TTN: variants seen among roughly 807,000 people sequenced by gnomAD.
The protein encoded by TTN is connectin.
Under a neutral mutation model 3,223.0 loss-of-function variants are expected in TTN, and 1,525 were observed. The ratio of observed to expected loss-of-function variants is 0.47; its 90% confidence interval spans 0.45 to 0.49. The LOEUF is 0.49. Among genes scored for constraint, TTN ranks in the 20% least tolerant of loss-of-function variants. TTN has a pLI of 0.00. For missense variants in TTN, 40,786 were observed against 43,424.0 expected (o/e 0.94, Z 5.40); for synonymous variants, 14,094 against 15,161.0 (o/e 0.93, Z 5.17).
chr2:178,751,125 T>G, intron 47 of TTN: 1 of 1,612,788 alleles, frequency 6.2e-7, no homozygotes, highest in African/African-American at 1.3e-5. Flanking sequence ...ACCTTATAAC[T>G]TTCAGCTAGA....
At position 178,557,376 on chromosome 2, in the gene TTN, G is replaced by A; in HGVS notation, c.87886C>T (p.His29296Tyr). Residue 29296 changes from histidine (H) to tyrosine (Y), a missense_variant, in exon 329 of 363, where the codon CAC becomes TAC. Transcript: ENST00000589042. Reference protein sequence around the residue: ...KANKLVIRTTHFKVTTISAGL... With the variant: ...KANKLVIRTTYFKVTTISAGL... ...GCACTGATTGTTGTGACTTTGAAGT[G>A]AGTTGTGCGGATGACCAGTTTGTTG... is the stretch of plus-strand genomic sequence containing the variant. The A allele has an allele frequency of 6.2e-7, 1 of 1,613,952 alleles. No homozygotes were observed. The highest frequency in any genetic ancestry group is 8.5e-7 in the Non-Finnish European group (1 of 1,179,864).
Position 178,740,336 on chromosome 2 carries a change from T to C in TTN, c.12897A>G (p.Glu4299=). 1 of 1,613,788 alleles carries C rather than the reference T, an allele frequency of 6.2e-7. No individual in the cohort carries two copies. Among genetic ancestry groups the C allele is most frequent in the South Asian group, 1.1e-5 (1 of 91,086 alleles). ...CACTTTCTATCAAAATTTTACCTCC[T>C]TCTGTGCATGAGTGTTCTGAAGGGA... ...PLVPSEHSCT[E]GGKILIESAN... Residue 4299 remains glutamate (E), a synonymous_variant, in exon 48 of 363, where the codon GAA becomes GAG. Coordinates refer to ENST00000589042, the MANE Select transcript of TTN (RefSeq NM_001267550.2).
intron 294 of TTN, 22 bp downstream of exon 294, chr2:178,597,516 C>T (rs1446914109): frequency 2.5e-6 from 4 of 1,599,022 alleles, no homozygotes; most frequent in African/African-American, 1.3e-5. Flanking sequence ...AAAAGTTGCA[C>T]AGACAAATTG....
chr2:178,650,701 T>C (rs1177353769), intron 209 of TTN, 50 bp downstream of exon 209: 1 of 1,477,254 alleles, frequency 6.8e-7, no homozygotes, highest in Admixed American at 2.2e-5. Context: ...AAGCTTAAAT[T>C]AGAAATAGTC....
intron 47 of TTN, among the ~76,000 whole-genome samples, chr2:178,752,237 C>T (rs1317246695): frequency 6.6e-6 from 1 of 151,942 alleles, no homozygotes; most frequent in Non-Finnish European, 1.5e-5. Context: ...GAAAATCGTT[C>T]GTTGTCTGGT....
In TTN at chr2:178,616,545, A is replaced by G. The variant is rs771542149; in HGVS notation, c.48246T>C (p.Asp16082=). 9 of 1,612,332 alleles carry G rather than the reference A, an allele frequency of 5.6e-6. No individual in the cohort carries two copies. The highest frequency in any genetic ancestry group is 1.7e-5 in the Admixed American group (1 of 59,894). ...VHLTWEPPDD[D]GGSPLTGYVV... ...CGTATCCAGTTAACGGACTTCCTCC[A>G]TCATCATCAGGTGGTTCCCAAGTCA... The change falls in exon 257 of 363, where the codon GAT becomes GAC. Residue 16082 remains aspartate (D), a synonymous_variant. Transcript: ENST00000589042.
intron 242 of TTN, 128 bp downstream of exon 242, chr2:178,624,337 G>A: frequency 8.7e-7 from 1 of 1,147,972 alleles, no homozygotes; most frequent in Non-Finnish European, 1.3e-6. Context: ...TTAGGTCAGT[G>A]TCAATACTAG....
intron 326 of TTN, 184 bp from the exon 327 acceptor site, chr2:178,558,821 T>C: frequency 1.6e-6 from 1 of 619,742 alleles, no homozygotes; most frequent in East Asian, 2.9e-5. Flanking sequence ...AGCTATGTCA[T>C]TACATGCTAT....
intron 133 of TTN, 29 bp from the exon 134 acceptor site, chr2:178,683,320 T>C: frequency 1.5e-6 from 2 of 1,362,188 alleles, no homozygotes; most frequent in East Asian, 5.1e-5. Flanking sequence ...TAAAAGTGAA[T>C]TGCAAGATTC....
chr2:178,800,246 A>G, intron 4 of TTN, 149 bp downstream of exon 4: 1 of 1,005,594 alleles, frequency 9.9e-7, no homozygotes, highest in Non-Finnish European at 1.5e-6. Context: ...AATCTCAGGG[A>G]CTTTTCATGG....
rs753234087 is a variant in TTN at position 178,728,726 on chromosome 2, A to T, written c.19200T>A (p.Asp6400Glu). 6.2e-7 allele frequency: 1 copy of T among 1,610,894 alleles called. No homozygotes were observed. Among genetic ancestry groups the T allele is most frequent in the South Asian group, 1.1e-5 (1 of 90,980 alleles). The change falls in exon 66 of 363, where the codon GAT becomes GAA. Residue 6400 changes from aspartate to glutamate, a missense_variant. Physicochemically the swap from Asp to Glu is conservative, Grantham distance 45 (BLOSUM62 2). Coordinates refer to ENST00000589042, the MANE Select transcript of TTN (RefSeq NM_001267550.2). ...KAKSVDVTEK[D>E]PMTLECVVAG... is the part of the protein sequence containing the mutation. ...CCACAACACATTCCAAGGTCATGGGATCTTTCTCCGTAACATCAACTGATT... is the reference window on the plus strand; with the variant it reads ...CCACAACACATTCCAAGGTCATGGGTTCTTTCTCCGTAACATCAACTGATT...
At chr2:178,542,612 A>G in intron 348 of TTN, 49 bp from the exon 349 acceptor site, 1 of 1,596,158 alleles carries the variant, frequency 6.3e-7, no homozygotes, top group Admixed American at 1.7e-5. Flanking sequence ...TCAAATCAAA[A>G]TTGGGTGACT....
Position 178,775,641 on chromosome 2 carries a change from T to C in TTN, c.6223A>G (p.Met2075Val). The C allele has an allele frequency of 6.2e-7, 1 of 1,614,132 alleles. No homozygotes were observed. The highest frequency in any genetic ancestry group is 1.1e-5 in the South Asian group (1 of 91,088). The change falls in exon 28 of 363, where the codon ATG becomes GTG. Residue 2075 changes from methionine to valine, a missense_variant. By Grantham distance (21) the Met-to-Val change is conservative. Transcript: ENST00000589042. ...CTTTCGAAGATTTTTGGAGCCTCCA[T>C]ACTAGGACTTAGTTCAATCTTGTCA... ...KPDKIELSPS[M>V]EAPKIFERIQ...
rs769672151 is a variant in TTN, at chr2:178,575,979, G to C, written c.70153C>G (p.Leu23385Val). The C allele has an allele frequency of 1.2e-6, 2 of 1,611,552 alleles. No homozygotes were observed. The highest frequency in any genetic ancestry group is 2.2e-5 in the South Asian group (2 of 91,008). ...TTTTCAATGTTGGCTCGGTTTTTCAGGTTGATGTTATCTTTGGTCCATGTC... is the reference window on the plus strand; with the variant it reads ...TTTTCAATGTTGGCTCGGTTTTTCACGTTGATGTTATCTTTGGTCCATGTC... ...EVTWTKDNIN[L>V]KNRANIENTE... Residue 23385 changes from leucine to valine, a missense_variant, in exon 326 of 363, where the codon CTG (leucine) becomes GTG (valine). By Grantham distance (32) the Leu-to-Val change is conservative. Transcript: ENST00000589042. This position sits in a 1 kb window ranked among gnomAD's most constrained non-coding sequence, Gnocchi z 4.0.
intron 45 of TTN, among the ~76,000 whole-genome samples, chr2:178,757,208 A>AAGTACAGTAATACTGTACTTG (rs1561095013): frequency 4.7e-4 from 26 of 54,960 alleles, no homozygotes; most frequent in Non-Finnish European, 8.5e-4. Context: ...TACTGTACTT[A>AAGTACAGTAATACTGTACTTG]CTTTAAGTAC....
In TTN at chr2:178,549,450, G is replaced by A. The variant is rs72648247; in HGVS notation, c.92176C>T (p.Pro30726Ser). 2.7e-3 allele frequency: 4,283 copies of A among 1,607,122 alleles called. 16 individuals carry two copies. The highest frequency in any genetic ancestry group is 7.1e-3 in the Middle Eastern group (43 of 6,030). Reference protein sequence around the residue: ...QYTVPDAPGIPEPSNITGNSI... With the variant: ...QYTVPDAPGISEPSNITGNSI... ...TTGCCTGTTATGTTGCTAGGTTCTGGAATGCCAGGGGCATCAGGAACAGCT... is the reference window on the plus strand; with the variant it reads ...TTGCCTGTTATGTTGCTAGGTTCTGAAATGCCAGGGGCATCAGGAACAGCT... The change falls in exon 339 of 363, where the codon CCA becomes TCA. Residue 30726 changes from proline (P) to serine (S), a missense_variant. Physicochemically the swap from Pro to Ser is moderately conservative, Grantham distance 74 (BLOSUM62 -1). Transcript: ENST00000589042.
intron 93 of TTN, 39 bp downstream of exon 93, chr2:178,713,046 C>T (rs1022265537): frequency 1.9e-6 from 3 of 1,605,648 alleles, no homozygotes; most frequent in East Asian, 2.2e-5. Context: ...GCTTAATAAA[C>T]TATGAAATGC....
chr2:178,579,186 T>A lies in TTN; in HGVS notation c.67844A>T (p.Lys22615Ile), dbSNP rs372296363. Reference protein sequence around the residue: ...NTTLIVYDCQKSDAGKYTITL... With the variant: ...NTTLIVYDCQISDAGKYTITL... ...GATTGTGTATTTTCCAGCATCAGAT[T>A]TTTGGCAATCGTACACTATAAGAGT... Residue 22615 changes from lysine (K) to isoleucine (I), a missense_variant, in exon 320 of 363, where the codon AAA becomes ATA. Lys to Ile is a moderately radical substitution (Grantham distance 102). Coordinates refer to ENST00000589042, the MANE Select transcript of TTN (RefSeq NM_001267550.2). 3.7e-6 allele frequency: 6 copies of A among 1,613,476 alleles called. No individual in the cohort carries two copies. The highest frequency in any genetic ancestry group is 4.2e-6 in the Non-Finnish European group (5 of 1,179,580).
In TTN at chr2:178,712,861, C is replaced by T. The variant is rs1297995123; in HGVS notation, c.27164G>A (p.Gly9055Asp). The change falls in exon 94 of 363, where the codon GGT becomes GAT. Residue 9055 changes from glycine to aspartate, a missense_variant. Physicochemically the swap from Gly to Asp is moderately conservative, Grantham distance 94. Transcript: ENST00000589042. Reference sequence around the variant, plus strand: ...GTCACCTGGTACTAGTTCACTGCTACCTTTGAACCAGCTAACACTGAAAGG... The same window carrying T: ...GTCACCTGGTACTAGTTCACTGCTATCTTTGAACCAGCTAACACTGAAAGG... ...TPPFSVSWFK[G>D]SSELVPGDRC... 1 of 1,613,630 alleles carries T rather than the reference C, an allele frequency of 6.2e-7. No homozygotes were observed. Among genetic ancestry groups the T allele is most frequent in the Non-Finnish European group, 8.5e-7 (1 of 1,179,784 alleles).
Sources: allele counts gnomAD v4.1 joint callset (sites outside exome capture counted in the v4.1 genomes callset), GRCh38; gene constraint gnomAD v4.1.1; non-coding constraint Gnocchi (gnomAD v3.1); transcripts MANE v1.5; gene names NCBI Gene and HGNC (gene_info 2026-07-23, HGNC 2026-07-21).